The following KCTD20 variants were observed in gnomAD, a reference collection of about 807,000 sequenced individuals.
KCTD20 encodes the protein BTB/POZ domain-containing protein KCTD20.
In KCTD20, 30 loss-of-function variants were observed where a neutral mutation model predicts 39.6. The ratio of observed to expected loss-of-function variants is 0.76; its 90% CI spans 0.57 to 1.03. The LOEUF (loss-of-function observed/expected upper bound fraction) is 1.03. Among genes scored for constraint, KCTD20 ranks in the 50% least tolerant of loss-of-function variants. KCTD20 has a pLI of 0.00. For missense variants in KCTD20, 422 were observed against 522.0 expected, an observed-to-expected ratio of 0.81 and a Z score of 1.87; for synonymous variants, 162 against 180.6, an observed-to-expected ratio of 0.90 and a Z score of 0.83.
At chr6:36,465,345 T>G (rs1775715960) in intron 1 of KCTD20, among the ~76,000 whole-genome samples, 2 of 148,370 alleles carry the variant, frequency 1.3e-5, no homozygotes, top group African/African-American at 4.9e-5. Flanking sequence ...TTGAGATACA[T>G]CAATATTATT....
At chr6:36,471,987 T>C (rs2127446112) in intron 2 of KCTD20, among the ~76,000 whole-genome samples, 1 of 152,236 alleles carries the variant, frequency 6.6e-6, no homozygotes, top group Non-Finnish European at 1.5e-5. Context: ...TAGCTGGGAC[T>C]ACAGGCACCT....
chr6:36,445,850 ATTATC>A (rs1230824585), intron 1 of KCTD20, among the ~76,000 whole-genome samples: 4 of 152,098 alleles, frequency 2.6e-5, no homozygotes, highest in African/African-American at 4.8e-5. Flanking sequence ...CAAAAGCAAT[ATTATC>A]TTATCTGGAA....
At chr6:36,478,277 T>TA (rs932284431) in intron 3 of KCTD20, among the ~76,000 whole-genome samples, 13 of 152,254 alleles carry the variant, frequency 8.5e-5, no homozygotes, top group African/African-American at 3.1e-4. Context: ...TTGTGTTATC[T>TA]AACCATTCCA....
intron 5 of KCTD20, among the ~76,000 whole-genome samples, chr6:36,480,188 C>T (rs1776201289): frequency 2.6e-5 from 4 of 152,142 alleles, no homozygotes; most frequent in Admixed American, 2.6e-4. Flanking sequence ...CTTTTCCTCT[C>T]TTAGTTCAAA....
chr6:36,467,203 G>T (rs1467558903), intron 1 of KCTD20, among the ~76,000 whole-genome samples: 2 of 151,324 alleles, frequency 1.3e-5, no homozygotes, highest in African/African-American at 4.9e-5. Flanking sequence ...AGCTACTTGG[G>T]AGGCTGAGGC....
Position 36,472,261 on chromosome 6 carries a change from C to T in KCTD20, c.160+2004C>T, listed in dbSNP as rs773890848. 2.6e-5 allele frequency among the ~76,000 whole-genome samples: 4 copies of T among 152,092 alleles called. 1 individual carries two copies. The highest frequency in any genetic ancestry group is 4.1e-4 in the South Asian group (2 of 4,828). ...TGATTGCCTGTGAGTTACCTGGAAGCGTAGCTTTTGGTGTGCAAACATGAG... is the reference window on the plus strand; with the variant it reads ...TGATTGCCTGTGAGTTACCTGGAAGTGTAGCTTTTGGTGTGCAAACATGAG... On this transcript the variant is annotated intron_variant, in intron 2 of 7. Coordinates refer to ENST00000373731, the MANE Select transcript of KCTD20 (RefSeq NM_173562.5).
At chr6:36,471,012 G>T (rs1181607077) in intron 2 of KCTD20, among the ~76,000 whole-genome samples, 1 of 152,068 alleles carries the variant, frequency 6.6e-6, no homozygotes, top group Non-Finnish European at 1.5e-5. Context: ...TTAGCCGGGC[G>T]TGGTGGCAGA....
chr6:36,446,824 GGATT>G (rs1475670741), intron 1 of KCTD20, among the ~76,000 whole-genome samples: 4 of 152,108 alleles, frequency 2.6e-5, no homozygotes, highest in Non-Finnish European at 5.9e-5. Flanking sequence ...AAACACTGTA[GGATT>G]GATTGCTCTT....
rs34990483 is a variant in KCTD20, at chr6:36,485,488, CTTTTTTTTTTTT to C, written c.967+677_967+688del. On this transcript the variant is annotated intron_variant, in intron 7 of 7. Coordinates refer to ENST00000373731, the MANE Select transcript of KCTD20 (RefSeq NM_173562.5). ...TTGGTCTCTCCTACGTGGAGTGGAT[CTTTTTTTTTTTT>C]TTTTTTTTTTTTGAGATGGAGTCTC... 1.1e-4 allele frequency among the ~76,000 whole-genome samples: 11 copies of C among 97,100 alleles called. No homozygotes were observed. In the South Asian group the frequency reaches 1.2e-3, roughly 10 times the overall value. The allele number at this position is 97,100 out of a possible 152,430, so 63.7% of individuals were successfully genotyped here.
At chr6:36,448,015 G>GTGTGTGTGTATATATATA (rs559687288) in intron 1 of KCTD20, among the ~76,000 whole-genome samples, 1 of 128,948 alleles carries the variant, frequency 7.8e-6, no homozygotes, top group African/African-American at 3.4e-5. Flanking sequence ...ATGTGTGTGT[G>GTGTGTGTGTATATATATA]TATATATATA....
At chr6:36,470,421 TTA>T (rs1391146781) in intron 2 of KCTD20, among the ~76,000 whole-genome samples, 164 bp downstream of exon 2, 3 of 152,218 alleles carry the variant, frequency 2.0e-5, no homozygotes, top group African/African-American at 7.2e-5. Flanking sequence ...AACTCTCCAC[TTA>T]TTTAATCAGT....
At chr6:36,448,015 G>GTGTATATA (rs559687288) in intron 1 of KCTD20, among the ~76,000 whole-genome samples, 19 of 128,942 alleles carry the variant, frequency 1.5e-4, no homozygotes, top group African/African-American at 6.2e-4. Flanking sequence ...ATGTGTGTGT[G>GTGTATATA]TATATATATA....
intron 1 of KCTD20, chr6:36,452,541 C>CTTTTTT (rs57480327): frequency 1.5e-3 from 186 of 126,638 alleles, no homozygotes; most frequent in Middle Eastern, 4.3e-3. Flanking sequence ...TCTTCATTTT[C>CTTTTTT]TTTTTTTTTT....
intron 1 of KCTD20, among the ~76,000 whole-genome samples, chr6:36,457,170 G>A (rs932790759): frequency 2.0e-5 from 3 of 152,090 alleles, no homozygotes; most frequent in African/African-American, 7.2e-5. Flanking sequence ...CTGGGCTCAA[G>A]CAGTCCTCCC....
rs58609674 is a variant in KCTD20, at chr6:36,479,779, ATTTTTTTTTTTTTTT to A, written c.658+84_658+98del. Reference sequence around the variant, plus strand: ...CTTTCAGTTTTCTTGGAAGTCACCGATTTTTTTTTTTTTTTTTTTTTTTTTTTTTTGAGACAGAGT... The same window carrying A: ...CTTTCAGTTTTCTTGGAAGTCACCGATTTTTTTTTTTTTTTGAGACAGAGT... On this transcript the variant is annotated intron_variant, in intron 5 of 7. Transcript: ENST00000373731. 4.3e-4 allele frequency: 116 copies of A among 268,422 alleles called. 2 individuals carry two copies. Among genetic ancestry groups the A allele is most frequent in the Middle Eastern group, 2.5e-3 (2 of 816 alleles). The allele number at this position is 268,422 out of a possible 1,614,324, so 16.6% of individuals were successfully genotyped here. A position where few individuals can be genotyped will look rare whatever the true frequency, so the allele number is the denominator to read the frequency against.
intron 6 of KCTD20, among the ~76,000 whole-genome samples, chr6:36,483,083 C>T (rs1462278824): frequency 6.8e-6 from 1 of 146,584 alleles, no homozygotes; most frequent in South Asian, 2.1e-4. Flanking sequence ...CATGCCATTG[C>T]ACTACAGCCT....
intron 4 of KCTD20, 25 bp from the exon 5 acceptor site, chr6:36,479,566 T>C (rs375097763): frequency 6.3e-7 from 1 of 1,592,166 alleles, no homozygotes; most frequent in East Asian, 2.2e-5. Context: ...TCTGCCTACA[T>C]TTTTTCTTCC....
intron 3 of KCTD20, among the ~76,000 whole-genome samples, chr6:36,478,118 A>G (rs533665586): frequency 2.7e-3 from 409 of 152,046 alleles, no homozygotes; most frequent in African/African-American, 5.7e-3. Context: ...AAAGAAAAGC[A>G]GCCAGTTCAG....
At chr6:36,449,434 T>C (rs1775167779) in intron 1 of KCTD20, among the ~76,000 whole-genome samples, 2 of 152,184 alleles carry the variant, frequency 1.3e-5, no homozygotes, top group African/African-American at 4.8e-5. Flanking sequence ...TACATAGTGC[T>C]GATTGGTGCG....
Sources: gnomAD v4.1 joint callset for allele counts (sites outside exome capture counted in the v4.1 genomes callset) on GRCh38, gnomAD v4.1.1 for gene constraint, MANE v1.5 for transcripts, NCBI Gene and HGNC (gene_info 2026-07-23, HGNC 2026-07-21) for gene names.